CDK5RAP2: variants seen among roughly 807,000 people sequenced by gnomAD.
CDK5RAP2 encodes the protein CDK5 regulatory subunit associated protein 2.
CDK5RAP2 carries 147 observed loss-of-function variants against 232.9 expected under a neutral mutation model. The observed-to-expected ratio is 0.63, with a 90% CI of 0.55 to 0.72. CDK5RAP2 has a LOEUF of 0.72. Among genes scored for constraint, CDK5RAP2 ranks in the 30% least tolerant of loss-of-function variants. The probability of loss-of-function intolerance (pLI) is 0.00; values close to 1 mark genes in which losing one functional copy is unlikely to be tolerated. For missense variants in CDK5RAP2, 2,195 were observed against 2,231.5 expected, an observed-to-expected ratio of 0.98 and a Z score of 0.33; for synonymous variants, 833 against 833.7, an observed-to-expected ratio of 1.00 and a Z score of 0.01.
chr9:120,437,556 G>C (rs374954071), intron 24 of CDK5RAP2, 29 bp from the exon 25 acceptor site: 1 of 1,534,046 alleles, frequency 6.5e-7, no homozygotes, highest in Non-Finnish European at 9.0e-7. Context: ...GAAAATACTT[G>C]GACCATTTTA....
chr9:120,482,464 C>T (rs2038374277), intron 14 of CDK5RAP2, among the ~76,000 whole-genome samples: 2 of 152,192 alleles, frequency 1.3e-5, no homozygotes, highest in African/African-American at 4.8e-5. Context: ...CCATCAGAGT[C>T]CCAGGGGGAA....
intron 1 of CDK5RAP2, among the ~76,000 whole-genome samples, chr9:120,577,114 CACT>C (rs2043062932): frequency 2.0e-5 from 3 of 152,072 alleles, no homozygotes. Flanking sequence ...ATAATCCCAG[CACT>C]CTGGGAGGCC....
At chr9:120,546,987 GTTT>G (rs34579024) in intron 4 of CDK5RAP2, among the ~76,000 whole-genome samples, 4 of 151,054 alleles carry the variant, frequency 2.6e-5, no homozygotes, top group Non-Finnish European at 5.9e-5. Flanking sequence ...TTGTTTTTTC[GTTT>G]TTTTTGTTTT....
chr9:120,470,026 T>TCTTAAC (rs2037603648), intron 17 of CDK5RAP2, 85 bp downstream of exon 17: 3 of 732,606 alleles, frequency 4.1e-6, no homozygotes, highest in Non-Finnish European at 7.3e-6. Context: ...GCCTTCAGAA[T>TCTTAAC]CTTAACCTCT....
chr9:120,503,930 C>T (rs1200612287), intron 12 of CDK5RAP2, among the ~76,000 whole-genome samples: 1 of 152,078 alleles, frequency 6.6e-6, no homozygotes, highest in Non-Finnish European at 1.5e-5. Context: ...TAACCCAGGC[C>T]TTAAGGTGTG....
chr9:120,439,290 A>T (rs1370666708), intron 24 of CDK5RAP2, 109 bp downstream of exon 24: 5 of 989,488 alleles, frequency 5.1e-6, no homozygotes, highest in Admixed American at 1.7e-5. Flanking sequence ...CCCAGAACAC[A>T]CTCTACCCAT....
intron 7 of CDK5RAP2, among the ~76,000 whole-genome samples, chr9:120,533,810 A>G (rs1473317824): frequency 1.3e-5 from 2 of 149,934 alleles, no homozygotes; most frequent in Admixed American, 1.3e-4. Context: ...AAAAAAAAAA[A>G]AAAAAAAAAA....
intron 12 of CDK5RAP2, among the ~76,000 whole-genome samples, chr9:120,510,739 C>A (rs2040041546): frequency 6.6e-6 from 1 of 152,216 alleles, no homozygotes; most frequent in African/African-American, 2.4e-5. Flanking sequence ...CTTGGGAACA[C>A]TGGGTTTTTT....
intron 35 of CDK5RAP2, among the ~76,000 whole-genome samples, chr9:120,397,228 G>A (rs1285673214): frequency 6.6e-6 from 1 of 152,132 alleles, no homozygotes; most frequent in Non-Finnish European, 1.5e-5. Context: ...AAAGCAGAAA[G>A]AACTGGATAA....
intron 32 of CDK5RAP2, 30 bp downstream of exon 32, chr9:120,406,982 T>G: frequency 2.0e-6 from 3 of 1,509,532 alleles, no homozygotes; most frequent in Non-Finnish European, 2.8e-6. Flanking sequence ...AGCTGCATTC[T>G]CAGCAAGTGG....
intron 3 of CDK5RAP2, among the ~76,000 whole-genome samples, chr9:120,551,256 C>T (rs1009974087): frequency 6.6e-6 from 1 of 152,072 alleles, no homozygotes; most frequent in Non-Finnish European, 1.5e-5. Context: ...AACAGAAAAT[C>T]ACTATTTTAA....
In CDK5RAP2 at chr9:120,411,430, G is replaced by A. The variant is rs766461777; in HGVS notation, c.4342C>T (p.Leu1448=). The change falls in exon 29 of 38, where the codon CTA becomes TTA. Residue 1448 remains leucine, a synonymous_variant. Coordinates refer to ENST00000349780, the MANE Select transcript of CDK5RAP2 (RefSeq NM_018249.6). ...FASGSELHSS[L]TSEIHFLRKQ... is the part of the protein sequence containing the mutation. ...CTCAAGAAATGAATTTCTGATGTTA[G>A]AGAACTATGAAGCTCTGAACCAGAA... 5.0e-6 allele frequency: 8 copies of A among 1,613,296 alleles called. No individual in the cohort carries two copies. Among genetic ancestry groups the A allele is most frequent in the African/African-American group, 1.3e-5 (1 of 74,922 alleles).
intron 3 of CDK5RAP2, among the ~76,000 whole-genome samples, chr9:120,565,725 TACC>T (rs1269086056): frequency 2.0e-5 from 3 of 152,160 alleles, no homozygotes; most frequent in Non-Finnish European, 2.9e-5. Flanking sequence ...GACCAAACCG[TACC>T]TGTCCCTGAT....
Position 120,550,813 on chromosome 9 carries a change from G to T in CDK5RAP2, c.285C>A (p.Pro95=), listed in dbSNP as rs2042015814. ...TCACAGTTTTGTAGATATGTTCAGT[G>T]GGGCCATGAAATTCCTGTTGCATTC... ...EERMQQEFHG[P]TEHIYKTNIE... is the part of the protein sequence containing the mutation. The change falls in exon 4 of 38, where the codon CCC becomes CCA. Residue 95 remains proline (P), a synonymous_variant. Transcript: ENST00000349780. The T allele has an allele frequency of 6.2e-7, 1 of 1,607,540 alleles. No individual in the cohort carries two copies. Among genetic ancestry groups the T allele is most frequent in the African/African-American group, 1.3e-5 (1 of 74,920 alleles).
chr9:120,438,191 A>T (rs1477766875), intron 24 of CDK5RAP2, among the ~76,000 whole-genome samples: 1 of 152,188 alleles, frequency 6.6e-6, no homozygotes, highest in East Asian at 1.9e-4. Flanking sequence ...GTCATGTGCC[A>T]CCTTTTCCTA....
chr9:120,404,132 G>T lies in CDK5RAP2; in HGVS notation c.4964-19C>A. On this transcript the variant is annotated intron_variant, in intron 32 of 37. Coordinates refer to ENST00000349780, the MANE Select transcript of CDK5RAP2 (RefSeq NM_018249.6). The stretch of plus-strand genomic sequence containing the variant: ...TCACCATCTACAAAATGCAAAACAC[G>T]AGAACTGTTAGTTTCACTGTTGTCA... 6.6e-7 allele frequency: 1 copy of T among 1,516,252 alleles called. No individual in the cohort carries two copies. The highest frequency in any genetic ancestry group is 1.1e-5 in the South Asian group (1 of 89,018). 93.9% of individuals were successfully genotyped at this position (1,516,252 alleles called of 1,614,324 possible).
rs2043183885 is a variant in CDK5RAP2, at chr9:120,579,974, A to G, written c.5T>C (p.Met2Thr). The change falls in exon 1 of 38, where the codon ATG (methionine) becomes ACG (threonine). Residue 2 changes from methionine (M) to threonine (T), a missense_variant. Coordinates refer to ENST00000349780, the MANE Select transcript of CDK5RAP2 (RefSeq NM_018249.6). ...GACGTCCTCTTCCAACACCAAGTCC[A>G]TCATGGCTACAGAGGTGGCGACAGC... M[M>T]DLVLEEDVTV... 6.2e-7 allele frequency: 1 copy of G among 1,610,180 alleles called. No individual in the cohort carries two copies. Among genetic ancestry groups the G allele is most frequent in the Admixed American group, 1.7e-5 (1 of 59,994 alleles).
chr9:120,393,036 C>A (rs542835706), intron 36 of CDK5RAP2, among the ~76,000 whole-genome samples: 7 of 152,178 alleles, frequency 4.6e-5, no homozygotes, highest in Non-Finnish European at 8.8e-5. Context: ...ACCCTTTGCA[C>A]GTCCTAAGCA....
chr9:120,410,626 G>A (rs1472682140), intron 29 of CDK5RAP2, among the ~76,000 whole-genome samples: 1 of 152,194 alleles, frequency 6.6e-6, no homozygotes, highest in African/African-American at 2.4e-5. Context: ...AAGTAACACA[G>A]GAGATAGGAA....
Sources: gnomAD v4.1 joint callset for allele counts (sites outside exome capture counted in the v4.1 genomes callset) on GRCh38, gnomAD v4.1.1 for gene constraint, MANE v1.5 for transcripts, NCBI Gene and HGNC (gene_info 2026-07-23, HGNC 2026-07-21) for gene names.